The following REDIC1 variants were observed in gnomAD, a reference collection of about 807,000 sequenced individuals.
REDIC1 encodes the protein HEI10 Interacting Protein 1.
chr12:39,751,919 G>A, the REDIC1 span, among the ~76,000 whole-genome samples: 1 of 152,156 alleles, frequency 6.6e-6, no homozygotes, highest in Non-Finnish European at 1.5e-5. Context: ...GGGAGAAGGG[G>A]GAGGGAAAGC....
At chr12:39,854,189 T>C in the REDIC1 span, among the ~76,000 whole-genome samples, 3 of 152,102 alleles carry the variant, frequency 2.0e-5, no homozygotes, top group Admixed American at 6.5e-5. Context: ...TACATCACTT[T>C]AGGCAAATGA....
At chr12:39,643,493 C>A in the REDIC1 span, among the ~76,000 whole-genome samples, 3 of 151,472 alleles carry the variant, frequency 2.0e-5, no homozygotes, top group Non-Finnish European at 4.4e-5. Flanking sequence ...ATTTTTTTAA[C>A]TTTCTATATA....
chr12:39,642,423 C>T, the REDIC1 span, among the ~76,000 whole-genome samples: 1 of 151,610 alleles, frequency 6.6e-6, no homozygotes, highest in African/African-American at 2.4e-5. Context: ...TCCATGTCCT[C>T]CTCCCTTCCC....
At chr12:39,643,028 C>T in the REDIC1 span, among the ~76,000 whole-genome samples, 88 of 151,744 alleles carry the variant, frequency 5.8e-4, no homozygotes, top group African/African-American at 1.8e-3. Context: ...CTGACAATTT[C>T]GCATTTATAT....
chr12:39,712,256 A>G, the REDIC1 span, among the ~76,000 whole-genome samples: 1 of 143,448 alleles, frequency 7.0e-6, no homozygotes, highest in African/African-American at 2.6e-5. Flanking sequence ...ACATACATAT[A>G]TACATATGTA....
the REDIC1 span, among the ~76,000 whole-genome samples, chr12:39,664,327 T>C: frequency 6.6e-6 from 1 of 151,032 alleles, no homozygotes; most frequent in Non-Finnish European, 1.5e-5. Context: ...CATGTGGTGT[T>C]TGGTTTATTG....
chr12:39,654,811 G>T, the REDIC1 span, among the ~76,000 whole-genome samples: 1 of 152,114 alleles, frequency 6.6e-6, no homozygotes, highest in South Asian at 2.1e-4. Context: ...TGGAGGGTTG[G>T]TATTATTTCT....
the REDIC1 span, among the ~76,000 whole-genome samples, chr12:39,658,915 C>T: frequency 7.2e-5 from 11 of 151,758 alleles, no homozygotes; most frequent in East Asian, 3.9e-4. Context: ...CCCAATAATG[C>T]ATTGTTGTTT....
the REDIC1 span, among the ~76,000 whole-genome samples, chr12:39,837,633 C>T: frequency 4.7e-5 from 7 of 149,644 alleles, no homozygotes; most frequent in African/African-American, 1.7e-4. Context: ...TGAACTCCAA[C>T]AAATTTACAA....
At chr12:39,708,938 G>T in the REDIC1 span, among the ~76,000 whole-genome samples, 1 of 151,872 alleles carries the variant, frequency 6.6e-6, no homozygotes, top group Admixed American at 6.6e-5. Flanking sequence ...TTAACTGTAT[G>T]TGTTAGTTTA....
At chr12:39,721,023 G>A in the REDIC1 span, 1 of 1,613,730 alleles carries the variant, frequency 6.2e-7, no homozygotes, top group Non-Finnish European at 8.5e-7. Context: ...CCCACATTTT[G>A]CAAAACAAAA....
chr12:39,700,299 G>A, the REDIC1 span, among the ~76,000 whole-genome samples: 1 of 152,192 alleles, frequency 6.6e-6, no homozygotes, highest in Non-Finnish European at 1.5e-5. Flanking sequence ...GAATGCAGAA[G>A]CCTCAGGAGC....
chr12:39,845,970 C>T, the REDIC1 span, among the ~76,000 whole-genome samples: 1 of 152,094 alleles, frequency 6.6e-6, no homozygotes, highest in East Asian at 1.9e-4. Flanking sequence ...TATGATTGTA[C>T]AGATATACTC....
At chr12:39,812,337 T>TTTTTCCTTTC in the REDIC1 span, among the ~76,000 whole-genome samples, 2 of 135,188 alleles carry the variant, frequency 1.5e-5, no homozygotes, top group Admixed American at 7.4e-5. Context: ...ACTAATTTCT[T>TTTTTCCTTTC]TTTTCTTTTC....
At chr12:39,682,692 G>A in the REDIC1 span, 199 of 1,612,380 alleles carry the variant, frequency 1.2e-4, no homozygotes, top group Admixed American at 5.2e-4. Flanking sequence ...AAATAAGACA[G>A]TCAGACTACA....
chr12:39,803,247 C>T, the REDIC1 span, among the ~76,000 whole-genome samples: 5 of 145,416 alleles, frequency 3.4e-5, no homozygotes, highest in East Asian at 8.1e-4. Flanking sequence ...AAGCTCTCAA[C>T]AGAGGCTGCA....
the REDIC1 span, among the ~76,000 whole-genome samples, chr12:39,839,585 C>G: frequency 6.6e-6 from 1 of 152,148 alleles, no homozygotes; most frequent in South Asian, 2.1e-4. Flanking sequence ...CTCTTTCCTA[C>G]AATGTTCTCA....
At chr12:39,895,026 C>A in the REDIC1 span, among the ~76,000 whole-genome samples, 1 of 152,108 alleles carries the variant, frequency 6.6e-6, no homozygotes, top group Non-Finnish European at 1.5e-5. Flanking sequence ...AGAATCATAA[C>A]CAACGGCAGT....
At chr12:39,701,112 AAATGCTCC>A in the REDIC1 span, among the ~76,000 whole-genome samples, 107,936 of 148,952 alleles carry the variant, frequency 0.72, 40,243 homozygotes, top group Non-Finnish European at 0.82. Flanking sequence ...TAAATGGACT[AAATGCTCC>A]AATTAAAAGA....
Sources: allele counts gnomAD v4.1 joint callset (sites outside exome capture counted in the v4.1 genomes callset), GRCh38; gene constraint gnomAD v4.1.1; transcripts MANE v1.5; gene names NCBI Gene and HGNC (gene_info 2026-07-23, HGNC 2026-07-21).